Variants in SAMMSON observed in about 807,000 individuals in gnomAD.
SAMMSON encodes survival associated mitochondrial melanoma specific oncogenic non-coding RNA, also known as long intergenic non-protein coding RNA 1212.
intron 7 of SAMMSON, among the ~76,000 whole-genome samples, chr3:70,318,655 C>T (rs1702513842): frequency 6.6e-6 from 1 of 151,938 alleles, no homozygotes; most frequent in Non-Finnish European, 1.5e-5. Flanking sequence ...TAGTGGGTTA[C>T]ATTTTCTTGA....
chr3:70,269,395 C>T lies in SAMMSON; in HGVS notation n.674+19725C>T, dbSNP rs144093271. ...TAGACACCCTGTAACCTACTTAGGT[C>T]TCAATCCCTGAGTTTTGGCCAATCA... is the stretch of plus-strand genomic sequence containing the variant. On this transcript the variant is annotated intron_variant and non_coding_transcript_variant, in intron 6 of 9. Coordinates refer to ENST00000642114, the Ensembl canonical transcript of SAMMSON. Among the ~76,000 whole-genome samples the T allele has an allele frequency of 6.1e-3, 923 of 152,296 alleles. 40 individuals are homozygous for T. Among genetic ancestry groups the T allele is most frequent in the Admixed American group, 0.056 (849 of 15,292 alleles).
chr3:70,329,760 T>G (rs1702607584), intron 7 of SAMMSON, among the ~76,000 whole-genome samples: 1 of 152,022 alleles, frequency 6.6e-6, no homozygotes, highest in African/African-American at 2.4e-5. Flanking sequence ...AAAAAATTTT[T>G]AAAGGCTTAA....
At chr3:70,030,450 A>G (rs2067059669) in intron 3 of SAMMSON, 1 of 152,216 alleles carries the variant, frequency 6.6e-6, no homozygotes, top group Non-Finnish European at 1.5e-5. Context: ...CAAATAGCTA[A>G]TATTTTCAAA....
chr3:70,037,950 A>G (rs1242859779), intron 3 of SAMMSON, among the ~76,000 whole-genome samples: 1 of 152,190 alleles, frequency 6.6e-6, no homozygotes, highest in African/African-American at 2.4e-5. Flanking sequence ...TTAACCTGGC[A>G]CTTCCATACT....
At chr3:70,319,240 C>A (rs1017915461) in intron 7 of SAMMSON, among the ~76,000 whole-genome samples, 2 of 152,022 alleles carry the variant, frequency 1.3e-5, no homozygotes, top group African/African-American at 4.8e-5. Flanking sequence ...AGCAAGTCTG[C>A]CACTAAATTT....
intron 9 of SAMMSON, among the ~76,000 whole-genome samples, chr3:70,381,795 T>C (rs1242673666): frequency 6.6e-6 from 1 of 152,210 alleles, no homozygotes; most frequent in East Asian, 1.9e-4. Context: ...CCAATAGCTT[T>C]TGGGGAGAAA....
chr3:70,051,888 A>G (rs1161403091), intron 3 of SAMMSON, among the ~76,000 whole-genome samples: 1 of 152,100 alleles, frequency 6.6e-6, no homozygotes, highest in African/African-American at 2.4e-5. Context: ...ACTTGAACTC[A>G]GGAGTTCAAG....
chr3:70,012,898 A>G (rs1411219509), intron 2 of SAMMSON, among the ~76,000 whole-genome samples: 9 of 152,130 alleles, frequency 5.9e-5, no homozygotes, highest in African/African-American at 1.2e-4. Context: ...CTCTTCTACC[A>G]TACAAGGAAG....
At position 70,176,211 on chromosome 3, in the gene SAMMSON, G is replaced by A. The variant is rs114378289; in HGVS notation, n.508-72896G>A. 9.6e-3 allele frequency among the ~76,000 whole-genome samples: 1,465 copies of A among 152,192 alleles called. 27 individuals carry two copies. The highest frequency in any genetic ancestry group is 0.034 in the African/African-American group (1,394 of 41,534). On this transcript the variant is annotated intron_variant and non_coding_transcript_variant, in intron 4 of 9. Coordinates refer to ENST00000642114, the Ensembl canonical transcript of SAMMSON. ...AGGCAAATCATGGAGGTAGTGCTGA[G>A]GACTAGGGGAACTCAATTTATTTGT...
chr3:70,388,358 T>C (rs929722836), intron 9 of SAMMSON, among the ~76,000 whole-genome samples: 20 of 152,130 alleles, frequency 1.3e-4, no homozygotes, highest in Non-Finnish European at 2.8e-4. Flanking sequence ...GCCTAAAATA[T>C]TTTCTATTTG....
intron 3 of SAMMSON, among the ~76,000 whole-genome samples, chr3:70,049,098 A>G (rs541677774): frequency 1.3e-5 from 2 of 152,282 alleles, no homozygotes; most frequent in Middle Eastern, 3.4e-3. Context: ...ATTTGTTCAT[A>G]TATTTATTCT....
chr3:70,411,067 G>T (rs577732115), intron 2 of SAMMSON, among the ~76,000 whole-genome samples: 1 of 152,056 alleles, frequency 6.6e-6, no homozygotes, highest in African/African-American at 2.4e-5. Context: ...CCTACCCCGC[G>T]CAATTAGACT....
intron 9 of SAMMSON, among the ~76,000 whole-genome samples, chr3:70,388,369 G>T (rs1453109487): frequency 1.3e-5 from 2 of 151,888 alleles, no homozygotes; most frequent in Non-Finnish European, 2.9e-5. Context: ...TTTCTATTTG[G>T]TTCTTTACAA....
intron 4 of SAMMSON, chr3:70,197,289 TTA>T (rs1352118500): frequency 2.5e-6 from 1 of 397,278 alleles, no homozygotes; most frequent in Admixed American, 4.4e-5. Context: ...CAACTCTTAA[TTA>T]TTTATCCACA....
intron 9 of SAMMSON, among the ~76,000 whole-genome samples, chr3:70,374,196 G>T (rs1702992605): frequency 6.6e-6 from 1 of 152,196 alleles, no homozygotes; most frequent in East Asian, 1.9e-4. Flanking sequence ...TTACAGGTGT[G>T]AGCCAACGTG....
Position 70,140,456 on chromosome 3 carries a change from G to A in SAMMSON, n.507+68891G>A, listed in dbSNP as rs535569565. 87 of 183,504 alleles carry A rather than the reference G, an allele frequency of 4.7e-4. 1 individual carries two copies. Among genetic ancestry groups the A allele is most frequent in the Middle Eastern group, 5.8e-3 (2 of 344 alleles). 11.4% of individuals were successfully genotyped at this position (183,504 alleles called of 1,614,324 possible). On this transcript the variant is annotated intron_variant and non_coding_transcript_variant, in intron 4 of 9. Transcript: ENST00000642114. ...CTTTTTGCATGCAAGGGACCACTGA[G>A]TGACCCACAAACTCTTTAACAGCTT...
chr3:70,086,921 A>C (rs1209642037), intron 4 of SAMMSON, among the ~76,000 whole-genome samples: 1 of 152,204 alleles, frequency 6.6e-6, no homozygotes, highest in Non-Finnish European at 1.5e-5. Flanking sequence ...CTGAGGGGAA[A>C]AACTGAGGTA....
chr3:70,323,304 C>A (rs541225561), intron 7 of SAMMSON, among the ~76,000 whole-genome samples: 1 of 152,200 alleles, frequency 6.6e-6, no homozygotes. Flanking sequence ...AAGTGGCAGG[C>A]CTTAGTGATC....
intron 4 of SAMMSON, among the ~76,000 whole-genome samples, chr3:70,243,849 G>T (rs1240532833): frequency 6.6e-6 from 1 of 152,184 alleles, no homozygotes; most frequent in Admixed American, 6.5e-5. Flanking sequence ...TGTCTAGGAG[G>T]ATATGTGGAG....
Sources: gnomAD v4.1 joint callset for allele counts (sites outside exome capture counted in the v4.1 genomes callset) on GRCh38, gnomAD v4.1.1 for gene constraint, MANE v1.5 for transcripts, NCBI Gene and HGNC (gene_info 2026-07-23, HGNC 2026-07-21) for gene names.